The following PLAGL1 variants were observed in gnomAD, a reference collection of about 807,000 sequenced individuals.
The protein encoded by PLAGL1 is PLAG1 like zinc finger 1.
Under a neutral mutation model 4.6 loss-of-function variants are expected in PLAGL1, and 1 was observed. That is an observed-to-expected ratio of 0.22 (90% CI 0.08 to 1.03). The LOEUF (loss-of-function observed/expected upper bound fraction) is 1.03. Ranked by LOEUF, PLAGL1 falls within the 50% of genes least tolerant of loss-of-function variation. The pLI, the probability that PLAGL1 is intolerant of heterozygous loss-of-function variation, is 0.58. For missense variants in PLAGL1, 464 were observed against 570.4 expected, an observed-to-expected ratio of 0.81 and a Z score of 1.90; for synonymous variants, 240 against 237.8, an observed-to-expected ratio of 1.01 and a Z score of -0.08.
In PLAGL1 at chr6:144,014,381, A is replaced by T. The variant is rs190970384; in HGVS notation, c.-150-45403T>A. Among the ~76,000 whole-genome samples the T allele has an allele frequency of 9.6e-3, 1,461 of 152,076 alleles. 10 individuals are homozygous for T. The highest frequency in any genetic ancestry group is 0.024 in the Middle Eastern group (7 of 294). On this transcript the variant is annotated intron_variant, in intron 1 of 3. Coordinates refer to the PLAGL1 transcript ENST00000437412. ...AAGGTGGAGGTTGCAGTGAGCCAAGATTGCACCACTGCACTCCAGCCTAGG... is the reference window on the plus strand; with the variant it reads ...AAGGTGGAGGTTGCAGTGAGCCAAGTTTGCACCACTGCACTCCAGCCTAGG...
chr6:144,054,519 G>A (rs1003647854), intron 1 of PLAGL1, among the ~76,000 whole-genome samples: 3 of 152,168 alleles, frequency 2.0e-5, no homozygotes, highest in South Asian at 2.1e-4. Flanking sequence ...AAAACTGCAC[G>A]TTCTCACTTG....
At chr6:144,024,402 G>A (rs1203011446) in intron 1 of PLAGL1, among the ~76,000 whole-genome samples, 5 of 152,198 alleles carry the variant, frequency 3.3e-5, no homozygotes, top group Non-Finnish European at 4.4e-5. Flanking sequence ...GCAGGGACAG[G>A]TGGAGATCAT....
Position 143,995,144 on chromosome 6 carries a change from A to ACTAT in PLAGL1, c.-583-9974_-583-9971dup, listed in dbSNP as rs35173443. The stretch of plus-strand genomic sequence containing the variant: ...TTCTTATTTGTACAAAGGAGATAAA[A>ACTAT]CTATTCTCAGGTTGTTGGAACAATT... On this transcript the variant is annotated intron_variant, in intron 1 of 7. Coordinates refer to ENST00000674357, the MANE Select transcript of PLAGL1 (RefSeq NM_001317162.2). The surrounding 1 kb of genome is among the most constrained non-coding windows in gnomAD (Gnocchi z 4.4). 0.77 allele frequency among the ~76,000 whole-genome samples: 116,679 copies of ACTAT among 151,658 alleles called. 45,075 individuals are homozygous for ACTAT. Among genetic ancestry groups the ACTAT allele is most frequent in the East Asian group, 0.87 (4,507 of 5,160 alleles).
At chr6:143,998,190 C>A (rs186481837) in intron 1 of PLAGL1, among the ~76,000 whole-genome samples, 1 of 152,232 alleles carries the variant, frequency 6.6e-6, no homozygotes, top group Non-Finnish European at 1.5e-5. Context: ...AATAGGAGTA[C>A]ACCAGTTAAT....
rs143050594 is a variant in PLAGL1, at chr6:143,955,719, T to G, written c.-325+4750A>C. Reference sequence around the variant, plus strand: ...CAGTGGACTTGCCACCAGATTTCACTTTTTGATGGTAACTCTGGCAGGGAC... The same window carrying G: ...CAGTGGACTTGCCACCAGATTTCACGTTTTGATGGTAACTCTGGCAGGGAC... On this transcript the variant is annotated intron_variant, in intron 6 of 7. Coordinates refer to ENST00000674357, the MANE Select transcript of PLAGL1 (RefSeq NM_001317162.2). This position sits in a 1 kb window ranked among gnomAD's most constrained non-coding sequence, Gnocchi z 4.9. 0.024 allele frequency among the ~76,000 whole-genome samples: 3,661 copies of G among 152,178 alleles called. 45 individuals are homozygous for G. Among genetic ancestry groups the G allele is most frequent in the Non-Finnish European group, 0.036 (2,481 of 67,974 alleles).
At chr6:144,042,583 A>G (rs1353393504) in intron 1 of PLAGL1, among the ~76,000 whole-genome samples, 2 of 152,168 alleles carry the variant, frequency 1.3e-5, no homozygotes, top group Non-Finnish European at 2.9e-5. Context: ...GTAGCCTTAT[A>G]GTATAGTTTG....
rs138922367 is a variant in PLAGL1, at chr6:143,951,968, T to C, written c.-324-3508A>G. ...TCATAATTTTTAATCACCGTAACTA[T>C]GTATTTCTTCCATATGGGCCTTAGA... On this transcript the variant is annotated intron_variant, in intron 6 of 7. Transcript: ENST00000674357. Among the ~76,000 whole-genome samples, 106 of 152,348 alleles carry C rather than the reference T, an allele frequency of 7.0e-4. 1 individual carries two copies. Among genetic ancestry groups the C allele is most frequent in the African/African-American group, 2.4e-3 (98 of 41,582 alleles).
chr6:144,062,029 C>A (rs956195413), intron 1 of PLAGL1, among the ~76,000 whole-genome samples: 1 of 152,136 alleles, frequency 6.6e-6, no homozygotes, highest in Non-Finnish European at 1.5e-5. Flanking sequence ...TAACTTTAGA[C>A]ATAGCTGAGA....
rs1783368768 is a variant in PLAGL1 at position 143,961,490 on chromosome 6, A to G, written c.-398-948T>C. On this transcript the variant is annotated intron_variant, in intron 5 of 7. Transcript: ENST00000674357. The surrounding 1 kb of genome is among the most constrained non-coding windows in gnomAD (Gnocchi z 6.5). The stretch of plus-strand genomic sequence containing the variant: ...TGTATGAGAACATCCTTTTAAGTTA[A>G]AAATGGAAAAACCAAGGCCATTTTG... 1 of 152,248 alleles carries G rather than the reference A, an allele frequency of 6.6e-6. No individual in the cohort carries two copies. Among genetic ancestry groups the G allele is most frequent in the Non-Finnish European group, 1.5e-5 (1 of 68,048 alleles). The allele number at this position is 152,248 out of a possible 1,614,324, so 9.4% of individuals were successfully genotyped here.
chr6:144,032,945 C>A (rs1420460858), intron 1 of PLAGL1, among the ~76,000 whole-genome samples: 1 of 152,070 alleles, frequency 6.6e-6, no homozygotes, highest in African/African-American at 2.4e-5. Context: ...TATATCGGGG[C>A]AATAGACATG....
rs1185285592 is a variant in PLAGL1, at chr6:143,962,189, G to GA, written c.-398-1648dup. Among the ~76,000 whole-genome samples the GA allele has an allele frequency of 6.6e-6, 1 of 152,154 alleles. No homozygotes were observed. The highest frequency in any genetic ancestry group is 2.4e-5 in the African/African-American group (1 of 41,430). On this transcript the variant is annotated intron_variant, in intron 5 of 7. Coordinates refer to ENST00000674357, the MANE Select transcript of PLAGL1 (RefSeq NM_001317162.2). This position sits in a 1 kb window ranked among gnomAD's most constrained non-coding sequence, Gnocchi z 5.3. Reference sequence around the variant, plus strand: ...GCCCAAGGCAGGCCTGGTCTGGGGGGAAAATCATGTGCAGTATATGACGAT... The same window carrying GA: ...GCCCAAGGCAGGCCTGGTCTGGGGGGAAAAATCATGTGCAGTATATGACGAT...
chr6:144,060,942 G>C (rs1043139218), intron 1 of PLAGL1, among the ~76,000 whole-genome samples: 6 of 152,246 alleles, frequency 3.9e-5, no homozygotes, highest in African/African-American at 1.4e-4. Context: ...GTTATTGGAA[G>C]TTAGAGGGGT....
In PLAGL1 at chr6:144,015,884, T is replaced by G. The variant is rs982803477; in HGVS notation, c.-150-46906A>C. Reference sequence around the variant, plus strand: ...CCAGCAATCTCAGTCTTAGGTATTTTATCCAAGAGAAATGATAACATGTCT... The same window carrying G: ...CCAGCAATCTCAGTCTTAGGTATTTGATCCAAGAGAAATGATAACATGTCT... On this transcript the variant is annotated intron_variant, in intron 1 of 3. Transcript: ENST00000437412. This position sits in a 1 kb window ranked among gnomAD's most constrained non-coding sequence, Gnocchi z 4.3. 6.6e-6 allele frequency among the ~76,000 whole-genome samples: 1 copy of G among 152,200 alleles called. No individual in the cohort carries two copies. Among genetic ancestry groups the G allele is most frequent in the South Asian group, 2.1e-4 (1 of 4,836 alleles).
chr6:143,959,144 G>A lies in PLAGL1; in HGVS notation c.-325+1325C>T, dbSNP rs574998817. ...TCACAATAAGCCTCAATTTCCCACCGCTGCCTGCTCGCAGCTCCTCCCCAG... is the reference window on the plus strand; with the variant it reads ...TCACAATAAGCCTCAATTTCCCACCACTGCCTGCTCGCAGCTCCTCCCCAG... On this transcript the variant is annotated intron_variant, in intron 6 of 7. Transcript: ENST00000674357. This position sits in a 1 kb window ranked among gnomAD's most constrained non-coding sequence, Gnocchi z 5.3. Among the ~76,000 whole-genome samples, 9 of 152,216 alleles carry A rather than the reference G, an allele frequency of 5.9e-5. No individual in the cohort carries two copies. The highest frequency in any genetic ancestry group is 2.1e-4 in the South Asian group (1 of 4,814).
At position 144,005,033 on chromosome 6, in the gene PLAGL1, A is replaced by ATT. The variant is rs914744645; in HGVS notation, c.-584+3055_-584+3056dup. The ATT allele has an allele frequency of 5.3e-5, 8 of 150,648 alleles. No homozygotes were observed. The highest frequency in any genetic ancestry group is 1.3e-4 in the Admixed American group (2 of 15,056). The allele number at this position is 150,648 out of a possible 1,614,324, so 9.3% of individuals were successfully genotyped here. A position where few individuals can be genotyped will look rare whatever the true frequency, so the allele number is the denominator to read the frequency against. ...CTATATATAAAGTGTATGTGTATAT[A>ATT]TTATATATATACACACACCTACATA... On this transcript the variant is annotated intron_variant, in intron 1 of 7. Transcript: ENST00000674357. The surrounding 1 kb of genome is among the most constrained non-coding windows in gnomAD (Gnocchi z 4.6).
Position 143,982,182 on chromosome 6 carries a change from A to G in PLAGL1, c.-544+2953T>C, listed in dbSNP as rs1487724908. On this transcript the variant is annotated intron_variant, in intron 2 of 7. Coordinates refer to ENST00000674357, the MANE Select transcript of PLAGL1 (RefSeq NM_001317162.2). This position sits in a 1 kb window ranked among gnomAD's most constrained non-coding sequence, Gnocchi z 5.3. ...GATTTTAAAAAAAAAAGTAATGAAG[A>G]GACAGGAAGTGCTAAGAGATTTAGC... Among the ~76,000 whole-genome samples the G allele has an allele frequency of 6.6e-6, 1 of 152,156 alleles. No individual in the cohort carries two copies. Among genetic ancestry groups the G allele is most frequent in the Non-Finnish European group, 1.5e-5 (1 of 68,012 alleles).
chr6:144,057,251 G>A (rs2128729227), intron 1 of PLAGL1, among the ~76,000 whole-genome samples: 1 of 152,240 alleles, frequency 6.6e-6, no homozygotes, highest in East Asian at 1.9e-4. Flanking sequence ...ATAAAGACAA[G>A]GCACATGGTA....
At position 143,989,743 on chromosome 6, in the gene PLAGL1, C is replaced by T. The variant is rs959159038; in HGVS notation, c.-583-4569G>A. ...ATGGGTAAACATACATACACTCTAA[C>T]TCTGCCAACTCAAATTCACTTGGGT... On this transcript the variant is annotated intron_variant, in intron 1 of 7. Coordinates refer to ENST00000674357, the MANE Select transcript of PLAGL1 (RefSeq NM_001317162.2). The surrounding 1 kb of genome is among the most constrained non-coding windows in gnomAD (Gnocchi z 4.8). 1.3e-5 allele frequency among the ~76,000 whole-genome samples: 2 copies of T among 152,208 alleles called. No individual in the cohort carries two copies. The highest frequency in any genetic ancestry group is 2.9e-5 in the Non-Finnish European group (2 of 68,036).
chr6:144,031,385 T>TAA (rs1796821518), intron 1 of PLAGL1, among the ~76,000 whole-genome samples: 2 of 152,240 alleles, frequency 1.3e-5, no homozygotes, highest in African/African-American at 4.8e-5. Flanking sequence ...TTGTTTTTGT[T>TAA]GCTTTTGCTC....
Sources: allele counts gnomAD v4.1 joint callset (sites outside exome capture counted in the v4.1 genomes callset), GRCh38; gene constraint gnomAD v4.1.1; non-coding constraint Gnocchi (gnomAD v3.1); transcripts MANE v1.5; gene names NCBI Gene and HGNC (gene_info 2026-07-23, HGNC 2026-07-21).